LDAH: variants seen among roughly 807,000 people sequenced by gnomAD.
LDAH encodes lipid droplet associated hydrolase, also known as lipid droplet-associated hydrolase.
A neutral mutation model predicts 29.6 loss-of-function variants in LDAH; 26 were observed. The ratio of observed to expected loss-of-function variants is 0.88; its 90% CI spans 0.64 to 1.22. The LOEUF (loss-of-function observed/expected upper bound fraction) is 1.22, where lower values mean the gene tolerates loss of function less well. Ranked by LOEUF, LDAH falls within the 50% of genes most tolerant of loss-of-function variation. The pLI is 0.00. For missense variants in LDAH, 344 were observed against 387.3 expected (o/e 0.89, Z 0.94); for synonymous variants, 117 against 133.0 (o/e 0.88, Z 0.83).
At chr2:20,716,848 T>C (rs1451213970) in intron 5 of LDAH, among the ~76,000 whole-genome samples, 1 of 94,458 alleles carries the variant, frequency 1.1e-5, no homozygotes, top group Non-Finnish European at 2.6e-5. Flanking sequence ...AATTTCGGAA[T>C]TGGATTTTTT....
At chr2:20,800,158 G>C (rs1035832820) in intron 2 of LDAH, among the ~76,000 whole-genome samples, 44 of 152,302 alleles carry the variant, frequency 2.9e-4, no homozygotes, top group African/African-American at 9.9e-4. Context: ...AAAAATACTA[G>C]AAGACATGGC....
chr2:20,801,488 T>C (rs1671661194), intron 1 of LDAH, 23 bp from the exon 2 acceptor site: 1 of 1,599,234 alleles, frequency 6.3e-7, no homozygotes, highest in African/African-American at 1.3e-5. Flanking sequence ...AGAAAAGTAG[T>C]ATGAAGAGTC....
chr2:20,717,321 G>A (rs558554178), intron 5 of LDAH, among the ~76,000 whole-genome samples: 2 of 152,234 alleles, frequency 1.3e-5, no homozygotes, highest in East Asian at 3.9e-4. Flanking sequence ...CCACAGAGTG[G>A]AAGAAGATAT....
chr2:20,704,150 G>A (rs1459304523), intron 5 of LDAH, among the ~76,000 whole-genome samples: 2 of 152,238 alleles, frequency 1.3e-5, no homozygotes, highest in Non-Finnish European at 2.9e-5. Flanking sequence ...ACAGAGAATA[G>A]GGTAGGAGAT....
intron 2 of LDAH, among the ~76,000 whole-genome samples, chr2:20,799,874 TATGTAA>T (rs1671548824): frequency 6.6e-6 from 1 of 151,964 alleles, no homozygotes; most frequent in African/African-American, 2.4e-5. Flanking sequence ...TTCCAAAAAA[TATGTAA>T]AAGTATCATA....
intron 5 of LDAH, among the ~76,000 whole-genome samples, chr2:20,706,228 G>A (rs1047410878): frequency 6.6e-6 from 1 of 152,174 alleles, no homozygotes; most frequent in African/African-American, 2.4e-5. Context: ...AGAAAAAAAA[G>A]TTTGGGGAAC....
At chr2:20,700,618 A>G (rs1437200059) in intron 6 of LDAH, among the ~76,000 whole-genome samples, 3 of 152,172 alleles carry the variant, frequency 2.0e-5, no homozygotes, top group Admixed American at 2.0e-4. Flanking sequence ...ATAGTTCAGC[A>G]CCAATTGTAA....
At chr2:20,695,379 T>C (rs1663364298) in intron 6 of LDAH, among the ~76,000 whole-genome samples, 1 of 152,088 alleles carries the variant, frequency 6.6e-6, no homozygotes, top group Non-Finnish European at 1.5e-5. Flanking sequence ...CTTAGAAGCA[T>C]AACTAGGCTA....
At chr2:20,797,350 G>C (rs576341929) in intron 2 of LDAH, among the ~76,000 whole-genome samples, 2 of 152,128 alleles carry the variant, frequency 1.3e-5, no homozygotes, top group South Asian at 4.2e-4. Flanking sequence ...TAACAGACAG[G>C]TTTCCACTCT....
chr2:20,737,350 G>A (rs1228160838), intron 5 of LDAH, among the ~76,000 whole-genome samples: 2 of 152,144 alleles, frequency 1.3e-5, no homozygotes, highest in African/African-American at 4.8e-5. Flanking sequence ...GAAGTCCCAG[G>A]AGGAAAATGG....
At chr2:20,821,754 T>G (rs2125185017) in intron 1 of LDAH, among the ~76,000 whole-genome samples, 1 of 152,046 alleles carries the variant, frequency 6.6e-6, no homozygotes, top group African/African-American at 2.4e-5. Context: ...ACCCTAGAAC[T>G]TAAAGTATAA....
intron 4 of LDAH, among the ~76,000 whole-genome samples, chr2:20,752,780 A>G (rs1413769999): frequency 6.6e-6 from 1 of 152,216 alleles, no homozygotes; most frequent in African/African-American, 2.4e-5. Flanking sequence ...CACTGTGTCA[A>G]GAAGCTCTAG....
At chr2:20,744,676 A>G (rs113370611) in intron 4 of LDAH, among the ~76,000 whole-genome samples, 4,844 of 152,204 alleles carry the variant, frequency 0.032, 261 homozygotes, top group African/African-American at 0.11. Context: ...GGTTCATTTC[A>G]CCTTCCCCCT....
At chr2:20,799,742 G>A (rs1215134869) in intron 2 of LDAH, among the ~76,000 whole-genome samples, 1 of 151,804 alleles carries the variant, frequency 6.6e-6, no homozygotes, top group African/African-American at 2.4e-5. Flanking sequence ...TCAATTTTAG[G>A]AAAGTTGACT....
chr2:20,709,547 C>A (rs1190517907), intron 5 of LDAH, among the ~76,000 whole-genome samples: 1 of 152,114 alleles, frequency 6.6e-6, no homozygotes, highest in Admixed American at 6.5e-5. Flanking sequence ...ACCCTCATGT[C>A]TTGTTGTTAG....
At chr2:20,749,437 C>T (rs1417875777) in intron 4 of LDAH, among the ~76,000 whole-genome samples, 1 of 152,040 alleles carries the variant, frequency 6.6e-6, no homozygotes, top group Non-Finnish European at 1.5e-5. Flanking sequence ...TACTAAAATG[C>T]CATTTTATAC....
chr2:20,778,385 AT>A (rs1256210776), intron 3 of LDAH, among the ~76,000 whole-genome samples: 1 of 152,216 alleles, frequency 6.6e-6, no homozygotes, highest in Non-Finnish European at 1.5e-5. Context: ...AGTACTTCGC[AT>A]TAACTTTTTG....
chr2:20,715,623 T>C (rs368977145), intron 5 of LDAH, among the ~76,000 whole-genome samples: 3 of 152,286 alleles, frequency 2.0e-5, no homozygotes, highest in East Asian at 1.9e-4. Flanking sequence ...ATTGTATATT[T>C]AGAAAACCCC....
chr2:20,753,990 G>A (rs957917868), intron 4 of LDAH, among the ~76,000 whole-genome samples: 2 of 152,102 alleles, frequency 1.3e-5, no homozygotes, highest in African/African-American at 4.8e-5. Context: ...ACATAAGAAG[G>A]AAGGTTCTTG....
Sources: allele counts gnomAD v4.1 joint callset (sites outside exome capture counted in the v4.1 genomes callset), GRCh38; gene constraint gnomAD v4.1.1; transcripts MANE v1.5; gene names NCBI Gene and HGNC (gene_info 2026-07-23, HGNC 2026-07-21).